Variants in HDAC9 observed in about 807,000 individuals in gnomAD.
HDAC9 encodes the protein histone deacetylase 9.
In HDAC9, 41 loss-of-function variants were observed where a neutral mutation model predicts 139.4. That is an observed-to-expected ratio of 0.29 (90% CI 0.23 to 0.38). The LOEUF is 0.38. Among genes scored for constraint, HDAC9 ranks in the 10% least tolerant of loss-of-function variants. HDAC9 has a pLI of 1.00. For synonymous variants in HDAC9, 517 were observed against 476.2 expected, an observed-to-expected ratio of 1.09 and a Z score of -1.12; for missense variants, 1,147 against 1,297.0, an observed-to-expected ratio of 0.88 and a Z score of 1.78.
chr7:18,310,150 G>A (rs965426431), intron 1 of HDAC9, among the ~76,000 whole-genome samples: 5 of 151,556 alleles, frequency 3.3e-5, no homozygotes, highest in Non-Finnish European at 5.9e-5. Context: ...TTGGAAAGAG[G>A]GAGGACTGTG....
Position 18,585,457 on chromosome 7 carries a change from G to C in HDAC9, c.199G>C (p.Glu67Gln). Residue 67 changes from glutamate to glutamine, a missense_variant, in exon 3 of 26, where the codon GAG becomes CAG. Physicochemically the swap from Glu to Gln is conservative, Grantham distance 29. Transcript: ENST00000686413. ...AATCCAGAAGCAGCTTCTGATAGCA[G>C]AGTTTCAGAAACAGCATGAGAACTT... ...QQIQKQLLIA[E>Q]FQKQHENLTR... 6.2e-7 allele frequency: 1 copy of C among 1,613,924 alleles called. No homozygotes were observed. Among genetic ancestry groups the C allele is most frequent in the Non-Finnish European group, 8.5e-7 (1 of 1,179,852 alleles).
rs1286227740 is a variant in HDAC9 at position 18,973,241 on chromosome 7, C to G, written c.3023-2565C>G. ...TCAATAATGCTAGTTTGTCTTTCCT[C>G]TAGTCTTTATAATTTGACCCATAAG... On this transcript the variant is annotated intron_variant, in intron 24 of 25. Coordinates refer to ENST00000686413, the MANE Select transcript of HDAC9 (RefSeq NM_178425.4). Among the ~76,000 whole-genome samples, 11 of 152,206 alleles carry G rather than the reference C, an allele frequency of 7.2e-5. No homozygotes were observed. In the South Asian group the frequency reaches 2.1e-3, roughly 29 times the overall value.
rs143319740 is a variant in HDAC9, at chr7:18,450,696, C to T, written c.-41-45566C>T. On this transcript the variant is annotated intron_variant, in intron 1 of 3. Coordinates refer to the HDAC9 transcript ENST00000413509. ...CTCAGAGGTCTGACTTGGAATTGTG[C>T]TTTCATTGTTTCTTCATATTCATAC... Among the ~76,000 whole-genome samples, 52 of 152,246 alleles carry T rather than the reference C, an allele frequency of 3.4e-4. No individual in the cohort carries two copies. The East Asian group carries it at 8.3e-3, about 24-fold the overall frequency.
At position 18,659,651 on chromosome 7, in the gene HDAC9, G is replaced by T. The variant is rs556299858; in HGVS notation, c.1468-6562G>T. On this transcript the variant is annotated intron_variant, in intron 11 of 25. Transcript: ENST00000686413. ...AATAGAGAGACAGCCTGACAGATGA[G>T]TATGAGCACACACAAAAGGCAAAGG... 2.6e-5 allele frequency among the ~76,000 whole-genome samples: 4 copies of T among 152,194 alleles called. No homozygotes were observed. In the South Asian group the frequency reaches 8.3e-4, roughly 32 times the overall value.
upstream of HDAC9, among the ~76,000 whole-genome samples, chr7:18,493,632 G>T (rs531642658): frequency 3.9e-5 from 6 of 152,038 alleles, no homozygotes; most frequent in South Asian, 1.2e-3. Context: ...TAGCTGAGAT[G>T]ATAGATTTGT....
chr7:18,572,495 G>A (rs950709072), intron 2 of HDAC9, among the ~76,000 whole-genome samples: 5 of 151,750 alleles, frequency 3.3e-5, no homozygotes, highest in East Asian at 2.0e-4. Context: ...AAAAAAATAC[G>A]GGAAAGGGGA....
chr7:18,746,505 G>C lies in HDAC9; in HGVS notation c.1910-2500G>C, dbSNP rs1276647032. 1.3e-5 allele frequency among the ~76,000 whole-genome samples: 2 copies of C among 152,130 alleles called. 1 individual carries two copies. Reference sequence around the variant, plus strand: ...GTGAAATTCCATGTAGAAATATAAAGCTAAGTAAAATAAATGCCTATATTA... The same window carrying C: ...GTGAAATTCCATGTAGAAATATAAACCTAAGTAAAATAAATGCCTATATTA... On this transcript the variant is annotated intron_variant, in intron 13 of 25. Transcript: ENST00000686413.
intron 2 of HDAC9, among the ~76,000 whole-genome samples, chr7:18,571,883 A>G (rs1182560483): frequency 1.3e-5 from 2 of 152,026 alleles, no homozygotes; most frequent in Non-Finnish European, 2.9e-5. Flanking sequence ...CATATTAAGC[A>G]TTGAGGCTTT....
intron 1 of HDAC9, among the ~76,000 whole-genome samples, chr7:18,418,215 C>A (rs556171860): frequency 6.6e-6 from 1 of 152,224 alleles, no homozygotes; most frequent in East Asian, 1.9e-4. Flanking sequence ...CCTGCTACTA[C>A]AAGTTGAAGG....
At chr7:18,606,695 A>G (rs1251247732) in intron 6 of HDAC9, among the ~76,000 whole-genome samples, 1 of 152,190 alleles carries the variant, frequency 6.6e-6, no homozygotes, top group East Asian at 1.9e-4. Flanking sequence ...CTTTTAAAGT[A>G]ATATTTTTTT....
intron 1 of HDAC9, among the ~76,000 whole-genome samples, chr7:18,307,674 A>C (rs1051048246): frequency 6.6e-6 from 1 of 152,074 alleles, no homozygotes; most frequent in African/African-American, 2.4e-5. Context: ...ATGGTGGTAC[A>C]TACATGTAGC....
At chr7:18,713,731 G>C (rs1784507638) in intron 12 of HDAC9, among the ~76,000 whole-genome samples, 1 of 152,072 alleles carries the variant, frequency 6.6e-6, no homozygotes. Context: ...GATCATGGAG[G>C]CTGAGAAGCA....
chr7:18,831,665 T>A (rs2129207693), intron 19 of HDAC9, among the ~76,000 whole-genome samples: 1 of 152,250 alleles, frequency 6.6e-6, no homozygotes, highest in South Asian at 2.1e-4. Flanking sequence ...TTGAGGAAAT[T>A]CCTGTTTCTT....
chr7:18,588,021 T>A (rs991269033), intron 3 of HDAC9, among the ~76,000 whole-genome samples: 1 of 152,302 alleles, frequency 6.6e-6, no homozygotes, highest in East Asian at 1.9e-4. Flanking sequence ...ATTATTTCAT[T>A]ACAATGGAAT....
chr7:18,900,242 A>T (rs375213160), intron 22 of HDAC9, among the ~76,000 whole-genome samples: 1 of 152,200 alleles, frequency 6.6e-6, no homozygotes, highest in East Asian at 1.9e-4. Context: ...GCATACTATC[A>T]TTATTTAGAA....
intron 1 of HDAC9, among the ~76,000 whole-genome samples, chr7:18,353,291 T>A (rs1782996781): frequency 6.6e-6 from 1 of 151,970 alleles, no homozygotes; most frequent in Non-Finnish European, 1.5e-5. Context: ...CTCTGCAAGC[T>A]GTTTGAGAGC....
intron 1 of HDAC9, among the ~76,000 whole-genome samples, chr7:18,332,135 A>C (rs1800969793): frequency 6.6e-6 from 1 of 151,738 alleles, no homozygotes; most frequent in Non-Finnish European, 1.5e-5. Context: ...TAACAGAGTG[A>C]GTAATTCACA....
chr7:18,850,925 T>C (rs564762443), intron 21 of HDAC9, among the ~76,000 whole-genome samples: 2 of 152,174 alleles, frequency 1.3e-5, no homozygotes, highest in Non-Finnish European at 2.9e-5. Context: ...AATCCCGTTC[T>C]TGAGGGCTCT....
intron 2 of HDAC9, among the ~76,000 whole-genome samples, chr7:18,568,393 G>A (rs541173612): frequency 3.3e-5 from 5 of 152,094 alleles, no homozygotes; most frequent in South Asian, 2.1e-4. Context: ...CATTATTCTC[G>A]TCTGTGAAAT....
Sources: allele counts gnomAD v4.1 joint callset (sites outside exome capture counted in the v4.1 genomes callset), GRCh38; gene constraint gnomAD v4.1.1; transcripts MANE v1.5; gene names NCBI Gene and HGNC (gene_info 2026-07-23, HGNC 2026-07-21).